Variants in RSL24D1 observed in about 807,000 individuals in gnomAD.
RSL24D1 encodes probable ribosome biogenesis protein RLP24.
A neutral mutation model predicts 26.2 loss-of-function variants in RSL24D1; 6 were observed. The ratio of observed to expected loss-of-function variants is 0.23; its 90% CI spans 0.13 to 0.45. The LOEUF is 0.45. RSL24D1 is among the 20% of genes least tolerant of loss of function. RSL24D1 has a pLI of 0.99. For synonymous variants in RSL24D1, 61 were observed against 59.1 expected (o/e 1.03, Z -0.15); for missense variants, 176 against 202.6 (o/e 0.87, Z 0.80).
intron 1 of RSL24D1, among the ~76,000 whole-genome samples, chr15:55,196,037 AG>A (rs1894351863): frequency 6.6e-6 from 1 of 152,224 alleles, no homozygotes; most frequent in Non-Finnish European, 1.5e-5. Context: ...TGAGAAAGAG[AG>A]GAACGGGATT....
At chr15:55,192,658 AC>A (rs766281942) in intron 2 of RSL24D1, 61 bp downstream of exon 2, 100 of 1,139,462 alleles carry the variant, frequency 8.8e-5, no homozygotes, top group Admixed American at 4.8e-4. Flanking sequence ...GATGACATAT[AC>A]CCTTCAAATA....
intron 4 of RSL24D1, among the ~76,000 whole-genome samples, 178 bp from the exon 5 acceptor site, chr15:55,183,578 C>T (rs1894193240): frequency 6.6e-6 from 1 of 152,170 alleles, no homozygotes; most frequent in African/African-American, 2.4e-5. Flanking sequence ...GCCCCCCATC[C>T]AGCAGGAGCA....
intron 1 of RSL24D1, among the ~76,000 whole-genome samples, chr15:55,194,849 C>T (rs1378790054): frequency 6.6e-6 from 1 of 151,430 alleles, no homozygotes; most frequent in African/African-American, 2.4e-5. Context: ...ATGTTAATCT[C>T]CCCGTCTCTA....
At chr15:55,196,036 G>C (rs73407850) in intron 1 of RSL24D1, among the ~76,000 whole-genome samples, 16,068 of 152,178 alleles carry the variant, frequency 0.11, 1,490 homozygotes, top group African/African-American at 0.25. Context: ...CTGAGAAAGA[G>C]AGGAACGGGA....
intron 1 of RSL24D1, among the ~76,000 whole-genome samples, chr15:55,194,687 AT>A (rs1234708536): frequency 1.3e-5 from 2 of 152,074 alleles, no homozygotes; most frequent in African/African-American, 2.4e-5. Flanking sequence ...CCCTTAACCC[AT>A]TTATGCCTAA....
At chr15:55,190,203 G>C (rs374020872) in intron 3 of RSL24D1, among the ~76,000 whole-genome samples, 1 of 144,970 alleles carries the variant, frequency 6.9e-6, no homozygotes, top group African/African-American at 2.6e-5. Context: ...AGCCGAGATC[G>C]TGCCACTGCA....
At chr15:55,190,161 T>C (rs918916770) in intron 3 of RSL24D1, among the ~76,000 whole-genome samples, 7 of 150,712 alleles carry the variant, frequency 4.6e-5, no homozygotes, top group African/African-American at 1.2e-4. Flanking sequence ...GGCAGGAGAA[T>C]TGCTTGAACC....
At chr15:55,193,556 G>A (rs1015677444) in intron 1 of RSL24D1, among the ~76,000 whole-genome samples, 1 of 152,066 alleles carries the variant, frequency 6.6e-6, no homozygotes, top group African/African-American at 2.4e-5. Context: ...TGTGGATCTT[G>A]GTAAAGAAAA....
intron 3 of RSL24D1, 22 bp from the exon 4 acceptor site, chr15:55,185,447 A>G (rs756134618): frequency 6.3e-7 from 1 of 1,585,862 alleles, no homozygotes; most frequent in Non-Finnish European, 8.6e-7. Flanking sequence ...TTCATGAGTT[A>G]GCAAATGTAT....
intron 1 of RSL24D1, chr15:55,195,435 C>G (rs1196821823): frequency 6.6e-6 from 1 of 152,212 alleles, no homozygotes; most frequent in African/African-American, 2.4e-5. Context: ...TTTCCTCCAA[C>G]AACTCTCTTC....
rs555581132 is a variant in RSL24D1, at chr15:55,190,607, T to C, written c.268+368A>G. On this transcript the variant is annotated intron_variant, in intron 3 of 5. Transcript: ENST00000260443. Reference sequence around the variant, plus strand: ...ATACAAGTTTATATCCTAAACTATATGGTCTAAACATGTAAAGTGTGTTAG... The same window carrying C: ...ATACAAGTTTATATCCTAAACTATACGGTCTAAACATGTAAAGTGTGTTAG... 2.0e-5 allele frequency among the ~76,000 whole-genome samples: 3 copies of C among 152,324 alleles called. No individual in the cohort carries two copies. The East Asian group carries it at 5.8e-4, about 29-fold the overall frequency.
intron 3 of RSL24D1, among the ~76,000 whole-genome samples, chr15:55,189,886 A>G (rs1018630137): frequency 9.2e-5 from 14 of 152,232 alleles, no homozygotes; most frequent in South Asian, 2.1e-4. Flanking sequence ...TTAACAAACC[A>G]CATCACCCCC....
At chr15:55,187,907 T>A (rs529970714) in intron 3 of RSL24D1, among the ~76,000 whole-genome samples, 4 of 151,690 alleles carry the variant, frequency 2.6e-5, no homozygotes, top group Non-Finnish European at 5.9e-5. Context: ...AAAAAAAAGT[T>A]CAACAAAAAT....
chr15:55,192,687 G>T, intron 2 of RSL24D1, 33 bp downstream of exon 2: 1 of 1,480,424 alleles, frequency 6.8e-7, no homozygotes, highest in Non-Finnish European at 9.4e-7. Flanking sequence ...TGTGAAACGT[G>T]TAAAAACTAT....
In RSL24D1 at chr15:55,190,163, G is replaced by T. The variant is rs1198815072; in HGVS notation, c.268+812C>A. On this transcript the variant is annotated intron_variant, in intron 3 of 5. Coordinates refer to ENST00000260443, the MANE Select transcript of RSL24D1 (RefSeq NM_016304.3). ...CCTGGGAGGCTGAGGCAGGAGAATTGCTTGAACCTGGGAGGCAGTGATTGC... is the reference window on the plus strand; with the variant it reads ...CCTGGGAGGCTGAGGCAGGAGAATTTCTTGAACCTGGGAGGCAGTGATTGC... Among the ~76,000 whole-genome samples, 4 of 148,884 alleles carry T rather than the reference G, an allele frequency of 2.7e-5. No homozygotes were observed. The East Asian group carries it at 8.0e-4, about 30-fold the overall frequency.
intron 1 of RSL24D1, 106 bp from the exon 2 acceptor site, chr15:55,192,939 A>C: frequency 1.5e-6 from 1 of 685,078 alleles, no homozygotes; most frequent in Admixed American, 2.6e-5. Context: ...TTAAACTGCC[A>C]TTTAGAAATG....
chr15:55,192,199 G>C (rs1287661412), intron 2 of RSL24D1, among the ~76,000 whole-genome samples: 2 of 152,128 alleles, frequency 1.3e-5, no homozygotes, highest in East Asian at 3.9e-4. Flanking sequence ...CCTTTGCAGG[G>C]ACTGAACGTG....
intron 2 of RSL24D1, among the ~76,000 whole-genome samples, 184 bp from the exon 3 acceptor site, chr15:55,191,231 A>C (rs1451116195): frequency 6.6e-6 from 1 of 152,198 alleles, no homozygotes; most frequent in Non-Finnish European, 1.5e-5. Flanking sequence ...CCTATTGAAG[A>C]CATCTCTCCA....
At position 55,181,554 on chromosome 15, in the gene RSL24D1, C is replaced by G. The variant is rs1894166562; in HGVS notation, c.*598G>C. 6.6e-6 allele frequency: 1 copy of G among 152,478 alleles called. No homozygotes were observed. The highest frequency in any genetic ancestry group is 2.4e-5 in the African/African-American group (1 of 41,424). The allele number at this position is 152,478 out of a possible 1,614,324, so 9.4% of individuals were successfully genotyped here. On this transcript the variant is annotated 3_prime_UTR_variant, in exon 6 of 6. Coordinates refer to ENST00000260443, the MANE Select transcript of RSL24D1 (RefSeq NM_016304.3). ...GAAATTCTAGAGTGTAGTGTCACTC[C>G]AGGCAAAGATTATTCAGTTCTCATC...
Sources: allele counts gnomAD v4.1 joint callset (sites outside exome capture counted in the v4.1 genomes callset), GRCh38; gene constraint gnomAD v4.1.1; transcripts MANE v1.5; gene names NCBI Gene and HGNC (gene_info 2026-07-23, HGNC 2026-07-21).